Variants in NBAS observed in about 807,000 individuals in gnomAD.
The protein encoded by NBAS is NAG/BC035112 fusion.
Under a neutral mutation model 302.5 loss-of-function variants are expected in NBAS, and 219 were observed. The ratio of observed to expected loss-of-function variants is 0.72; its 90% CI spans 0.65 to 0.81. NBAS has a LOEUF of 0.81. Among genes scored for constraint, NBAS ranks in the 30% least tolerant of loss-of-function variants. The pLI, the probability that NBAS is intolerant of heterozygous loss-of-function variation, is 0.00. For synonymous variants in NBAS, 1,118 were observed against 1,021.6 expected, an observed-to-expected ratio of 1.09 and a Z score of -1.80; for missense variants, 2,932 against 2,841.6, an observed-to-expected ratio of 1.03 and a Z score of -0.72.
the NBAS span, among the ~76,000 whole-genome samples, chr2:15,106,589 T>G: frequency 6.6e-6 from 1 of 152,102 alleles, no homozygotes; most frequent in Non-Finnish European, 1.5e-5. Flanking sequence ...CCTTCTGAGA[T>G]GCCTTAGTCA....
intron 21 of NBAS, among the ~76,000 whole-genome samples, chr2:15,455,941 G>T (rs1161395114): frequency 6.6e-6 from 1 of 152,044 alleles, no homozygotes; most frequent in Non-Finnish European, 1.5e-5. Flanking sequence ...ATACCCCACT[G>T]CCAAAATGCT....
At chr2:15,240,215 G>C (rs904230390) in intron 44 of NBAS, among the ~76,000 whole-genome samples, 3 of 151,998 alleles carry the variant, frequency 2.0e-5, no homozygotes, top group Non-Finnish European at 4.4e-5. Context: ...CTGAAAAGCA[G>C]GACTAGGCTG....
chr2:15,124,487 T>A, the NBAS span, among the ~76,000 whole-genome samples: 2 of 152,112 alleles, frequency 1.3e-5, no homozygotes, highest in African/African-American at 4.8e-5. Flanking sequence ...GCTAGAGAGA[T>A]TAGCATGACT....
the NBAS span, among the ~76,000 whole-genome samples, chr2:15,049,384 T>C: frequency 6.6e-6 from 1 of 152,188 alleles, no homozygotes; most frequent in Non-Finnish European, 1.5e-5. Flanking sequence ...GGGCCTTGCC[T>C]TCTGGGCTTG....
At chr2:15,141,725 A>C in the NBAS span, among the ~76,000 whole-genome samples, 1 of 152,070 alleles carries the variant, frequency 6.6e-6, no homozygotes, top group Non-Finnish European at 1.5e-5. Context: ...CGTAGGGGCC[A>C]CTCATGCACT....
At chr2:15,393,567 A>G (rs1572773809) in intron 28 of NBAS, 9 of 400,630 alleles carry the variant, frequency 2.2e-5, no homozygotes, top group Non-Finnish European at 4.6e-5. Flanking sequence ...CTATTCACTT[A>G]CCAAATGATC....
intron 9 of NBAS, among the ~76,000 whole-genome samples, chr2:15,515,476 G>C (rs926202133): frequency 1.3e-5 from 2 of 152,094 alleles, no homozygotes; most frequent in Non-Finnish European, 2.9e-5. Context: ...AGCCAAGATC[G>C]AGCCACCACT....
the NBAS span, among the ~76,000 whole-genome samples, chr2:14,847,530 A>G: frequency 1.3e-5 from 2 of 151,926 alleles, no homozygotes; most frequent in African/African-American, 4.8e-5. Context: ...AAACTACAAG[A>G]AGAGACAAGC....
At chr2:15,236,036 T>C (rs1172223022) in intron 45 of NBAS, among the ~76,000 whole-genome samples, 2 of 152,128 alleles carry the variant, frequency 1.3e-5, no homozygotes, top group Admixed American at 6.5e-5. Context: ...AAGGGATAAA[T>C]GCATGGGGTT....
chr2:15,504,089 T>C (rs1488519975), intron 11 of NBAS, 56 bp downstream of exon 11: 5 of 1,401,584 alleles, frequency 3.6e-6, no homozygotes, highest in Non-Finnish European at 2.0e-6. Flanking sequence ...ACCTTAAAGG[T>C]ACTTCAGGGT....
At chr2:15,012,611 A>C in the NBAS span, among the ~76,000 whole-genome samples, 36 of 152,208 alleles carry the variant, frequency 2.4e-4, no homozygotes, top group African/African-American at 8.2e-4. Context: ...TGATAGTCAA[A>C]TTGTCAAAAA....
chr2:14,857,737 GA>G, the NBAS span, among the ~76,000 whole-genome samples: 3 of 152,094 alleles, frequency 2.0e-5, 1 homozygote, highest in Admixed American at 2.0e-4. Flanking sequence ...AAACATTGGG[GA>G]AAACTCTCCA....
the NBAS span, among the ~76,000 whole-genome samples, chr2:15,062,365 T>C: frequency 6.6e-6 from 1 of 152,222 alleles, no homozygotes; most frequent in Non-Finnish European, 1.5e-5. Context: ...ATGAGATGCA[T>C]GCCTGAGCTG....
At chr2:14,943,495 A>T in the NBAS span, among the ~76,000 whole-genome samples, 34 of 152,248 alleles carry the variant, frequency 2.2e-4, no homozygotes, top group African/African-American at 8.2e-4. Context: ...TAGAAAATTC[A>T]TACAATCACA....
the NBAS span, among the ~76,000 whole-genome samples, chr2:15,069,985 T>A: frequency 3.1e-5 from 3 of 98,104 alleles, no homozygotes; most frequent in African/African-American, 9.7e-5. Flanking sequence ...GTGTGCTACC[T>A]TTGGTCAGAA....
chr2:14,910,455 CT>C, the NBAS span, among the ~76,000 whole-genome samples: 1 of 152,200 alleles, frequency 6.6e-6, no homozygotes, highest in Non-Finnish European at 1.5e-5. Flanking sequence ...AAGAGAGTTT[CT>C]TTTTCAGCGT....
chr2:14,889,120 C>T, the NBAS span, among the ~76,000 whole-genome samples: 1 of 152,200 alleles, frequency 6.6e-6, no homozygotes, highest in Non-Finnish European at 1.5e-5. Context: ...ACACATTTGC[C>T]ACTCTTTCAG....
At position 15,473,279 on chromosome 2, in the gene NBAS, T is replaced by C. The variant is rs769671199; in HGVS notation, c.1668A>G (p.Val556=). The C allele has an allele frequency of 1.2e-6, 2 of 1,614,138 alleles. No individual in the cohort carries two copies. The highest frequency in any genetic ancestry group is 1.7e-5 in the Admixed American group (1 of 60,026). Reference sequence around the variant, plus strand: ...CTGACTTCCTCCACTGCCTCTGATATACAAGGTCAGTATCCAGGCCGTAGG... The same window carrying C: ...CTGACTTCCTCCACTGCCTCTGATACACAAGGTCAGTATCCAGGCCGTAGG... ...AHTYGLDTDL[V]YQRQWRKSAV... is the part of the protein sequence containing the mutation. The change falls in exon 16 of 52, where the codon GTA becomes GTG. Residue 556 remains valine (V), a synonymous_variant. Transcript: ENST00000281513.
intron 40 of NBAS, among the ~76,000 whole-genome samples, chr2:15,299,130 T>C (rs1670684455): frequency 6.6e-6 from 1 of 152,216 alleles, no homozygotes; most frequent in Non-Finnish European, 1.5e-5. Context: ...AAGAGCTCTC[T>C]GGGCAGCTTC....
Sources: gnomAD v4.1 joint callset for allele counts (sites outside exome capture counted in the v4.1 genomes callset) on GRCh38, gnomAD v4.1.1 for gene constraint, MANE v1.5 for transcripts, NCBI Gene and HGNC (gene_info 2026-07-23, HGNC 2026-07-21) for gene names.